The following VPS8 variants were observed in gnomAD, a reference collection of about 807,000 sequenced individuals.
VPS8 encodes the protein vacuolar protein sorting-associated protein 8 homolog.
Under a neutral mutation model 216.4 loss-of-function variants are expected in VPS8, and 129 were observed. That is an observed-to-expected ratio of 0.60 (90% CI 0.52 to 0.69). VPS8 has a LOEUF of 0.69. Among genes scored for constraint, VPS8 ranks in the 30% least tolerant of loss-of-function variants. VPS8 has a pLI of 0.00. For synonymous variants in VPS8, 571 were observed against 565.4 expected (o/e 1.01, Z -0.14); for missense variants, 1,531 against 1,683.5 (o/e 0.91, Z 1.59).
chr3:184,953,843 T>TG (rs1409763291), intron 36 of VPS8, among the ~76,000 whole-genome samples: 1 of 152,104 alleles, frequency 6.6e-6, no homozygotes, highest in East Asian at 1.9e-4. Context: ...GAGGGAAAGG[T>TG]GTGTGGCAGG....
chr3:184,851,946 T>C (rs1425965563), intron 10 of VPS8, among the ~76,000 whole-genome samples: 1 of 152,228 alleles, frequency 6.6e-6, no homozygotes, highest in Non-Finnish European at 1.5e-5. Flanking sequence ...AGTTAGGTAG[T>C]GATAACTGAA....
intron 42 of VPS8, among the ~76,000 whole-genome samples, chr3:184,984,562 G>A (rs943548800): frequency 5.3e-5 from 8 of 152,118 alleles, no homozygotes; most frequent in East Asian, 1.9e-4. Flanking sequence ...CAAAGTGCTC[G>A]GATTACAGGC....
chr3:184,886,167 G>C lies in VPS8; in HGVS notation c.1781+11G>C, dbSNP rs116883359. ...TCTGCTGCAGCGAAAGTGAGTATGC[G>C]TTGCCTGTCACATTCAATTATTTTG... On this transcript the variant is annotated intron_variant, in intron 22 of 47. Transcript: ENST00000625842. 1.2e-6 allele frequency: 2 copies of C among 1,603,220 alleles called. No individual in the cohort carries two copies. Among genetic ancestry groups the C allele is most frequent in the Admixed American group, 3.4e-5 (2 of 58,554 alleles).
chr3:185,017,844 A>G (rs1756033375), intron 45 of VPS8, among the ~76,000 whole-genome samples: 1 of 151,976 alleles, frequency 6.6e-6, no homozygotes, highest in Non-Finnish European at 1.5e-5. Flanking sequence ...ACGGCCCTTC[A>G]TGACGTTTCC....
At chr3:184,993,912 T>G in intron 42 of VPS8, 71 bp from the exon 43 acceptor site, 1 of 1,262,542 alleles carries the variant, frequency 7.9e-7, no homozygotes, top group Non-Finnish European at 1.1e-6. Flanking sequence ...TTTGGCTTTT[T>G]CAGATAACTT....
chr3:184,915,557 A>G lies in VPS8; in HGVS notation c.2382+83A>G, dbSNP rs867565606. 4.8e-6 allele frequency: 7 copies of G among 1,460,444 alleles called. No individual in the cohort carries two copies. The Middle Eastern group carries it at 7.5e-4, about 156-fold the overall frequency. 90.5% of individuals were successfully genotyped at this position (1,460,444 alleles called of 1,614,324 possible). ...GCGGGGTGTGGTGGCTCACCCCTGTAATCCCAACACTTTGGCCGAGGCAGG... is the reference window on the plus strand; with the variant it reads ...GCGGGGTGTGGTGGCTCACCCCTGTGATCCCAACACTTTGGCCGAGGCAGG... On this transcript the variant is annotated intron_variant, in intron 28 of 47. Transcript: ENST00000625842.
At chr3:184,836,126 C>G (rs373392798) in intron 5 of VPS8, 5 of 367,238 alleles carry the variant, frequency 1.4e-5, no homozygotes, top group Admixed American at 3.8e-5. Context: ...ACAACAACAA[C>G]AAAAGTATTT....
rs540607441 is a variant in VPS8 at position 185,017,382 on chromosome 3, T to C, written c.4003-6954T>C. Among the ~76,000 whole-genome samples the C allele has an allele frequency of 2.6e-5, 4 of 152,284 alleles. No homozygotes were observed. In the South Asian group the frequency reaches 8.3e-4, roughly 32 times the overall value. ...AGTTATTTCACAGGTAGGATGTTTA[T>C]CAGTAATCTGATTTACCCAATAAGC... On this transcript the variant is annotated intron_variant, in intron 45 of 47. Transcript: ENST00000625842.
intron 1 of VPS8, among the ~76,000 whole-genome samples, chr3:184,821,245 T>A (rs1463543829): frequency 1.8e-4 from 28 of 152,154 alleles, no homozygotes; most frequent in Admixed American, 1.8e-3. Context: ...GGAGAGTATA[T>A]GTTGGTTTAT....
chr3:184,851,002 T>TA (rs540607033), intron 10 of VPS8, among the ~76,000 whole-genome samples: 321 of 152,358 alleles, frequency 2.1e-3, no homozygotes, highest in Non-Finnish European at 3.2e-3. Context: ...TCTAATATGT[T>TA]ATAGTTGTTT....
chr3:184,988,698 T>C (rs1251782139), intron 42 of VPS8, among the ~76,000 whole-genome samples: 2 of 152,220 alleles, frequency 1.3e-5, no homozygotes, highest in African/African-American at 4.8e-5. Flanking sequence ...AGTAACTTGC[T>C]GGAATTTTGA....
chr3:184,813,040 C>A (rs1246865546), intron 1 of VPS8, among the ~76,000 whole-genome samples: 1 of 152,130 alleles, frequency 6.6e-6, no homozygotes, highest in Non-Finnish European at 1.5e-5. Context: ...TTGTGCTTGG[C>A]ATCTGGGGAA....
At chr3:184,982,288 A>G (rs1426318564) in intron 40 of VPS8, 1 of 358,422 alleles carries the variant, frequency 2.8e-6, no homozygotes, top group East Asian at 5.3e-5. Flanking sequence ...ATAAGATTGC[A>G]GTTCCGAGGC....
At chr3:184,936,975 G>T (rs565940792) in intron 35 of VPS8, among the ~76,000 whole-genome samples, 8 of 152,254 alleles carry the variant, frequency 5.3e-5, no homozygotes, top group African/African-American at 1.7e-4. Flanking sequence ...CTGACCTCAT[G>T]ATCCGCCTGC....
At chr3:185,034,868 A>T (rs559456049) in intron 46 of VPS8, among the ~76,000 whole-genome samples, 1 of 152,324 alleles carries the variant, frequency 6.6e-6, no homozygotes, top group South Asian at 2.1e-4. Context: ...GTTAACAAAG[A>T]AAAAACAGAA....
At position 184,939,554 on chromosome 3, in the gene VPS8, C is replaced by CT. The variant is rs71632037; in HGVS notation, c.2989-626dup. Among the ~76,000 whole-genome samples the CT allele has an allele frequency of 8.7e-3, 1,234 of 141,170 alleles. 12 individuals carry two copies. The highest frequency in any genetic ancestry group is 0.014 in the African/African-American group (523 of 38,394). 92.6% of individuals were successfully genotyped at this position (141,170 alleles called of 152,430 possible). ...AAGGCAGAGAAGATATTGCTGTCCT[C>CT]TTTTTTTTTTTTTTTTTCCACATAA... On this transcript the variant is annotated intron_variant, in intron 35 of 47. Transcript: ENST00000625842.
At chr3:185,004,075 G>A (rs988921498) in intron 45 of VPS8, among the ~76,000 whole-genome samples, 3 of 152,222 alleles carry the variant, frequency 2.0e-5, no homozygotes. Context: ...TCCCAGATGG[G>A]GTGGCGGCCA....
intron 25 of VPS8, among the ~76,000 whole-genome samples, chr3:184,908,839 G>A (rs1196299336): frequency 6.6e-6 from 1 of 152,224 alleles, no homozygotes; most frequent in Non-Finnish European, 1.5e-5. Flanking sequence ...TCCCCTCAAT[G>A]TGGTGAGTCT....
intron 34 of VPS8, among the ~76,000 whole-genome samples, chr3:184,935,851 C>T (rs1741508811): frequency 6.6e-6 from 1 of 152,114 alleles, no homozygotes; most frequent in Non-Finnish European, 1.5e-5. Context: ...AAATTCTCGG[C>T]CAGATAAATT....
Sources: allele counts gnomAD v4.1 joint callset (sites outside exome capture counted in the v4.1 genomes callset), GRCh38; gene constraint gnomAD v4.1.1; transcripts MANE v1.5; gene names NCBI Gene and HGNC (gene_info 2026-07-23, HGNC 2026-07-21).